The following RYR2 variants were observed in gnomAD, a reference collection of about 807,000 sequenced individuals.
RYR2 encodes the protein ryanodine receptor 2, also known as cardiac muscle ryanodine receptor-calcium release channel.
RYR2 carries 227 observed loss-of-function variants against 601.1 expected under a neutral mutation model. That is an observed-to-expected ratio of 0.38 (90% CI 0.34 to 0.42). The LOEUF is 0.42. Among genes scored for constraint, RYR2 ranks in the 10% least tolerant of loss-of-function variants. The probability of loss-of-function intolerance (pLI) is 1.00; values close to 1 mark genes in which losing one functional copy is unlikely to be tolerated. For missense variants in RYR2, 4,646 were observed against 6,156.5 expected (o/e 0.75, Z 8.21); for synonymous variants, 2,223 against 2,175.1 (o/e 1.02, Z -0.61).
At chr1:237,298,812 C>G (rs954638697) in intron 2 of RYR2, among the ~76,000 whole-genome samples, 7 of 152,032 alleles carry the variant, frequency 4.6e-5, no homozygotes, top group Non-Finnish European at 1.0e-4. Flanking sequence ...CCAATCTGGG[C>G]AAGATGGCAA....
intron 62 of RYR2, among the ~76,000 whole-genome samples, chr1:237,686,443 G>A (rs1314003019): frequency 1.3e-5 from 2 of 152,100 alleles, no homozygotes; most frequent in Non-Finnish European, 2.9e-5. Flanking sequence ...ATGTCAGAAC[G>A]CTGACCTACT....
intron 36 of RYR2, 115 bp downstream of exon 36, chr1:237,611,103 T>G (rs1677817713): frequency 1.3e-6 from 1 of 798,690 alleles, no homozygotes; most frequent in African/African-American, 1.7e-5. Flanking sequence ...AAGATGAAAT[T>G]TACAAAGATC....
intron 1 of RYR2, among the ~76,000 whole-genome samples, chr1:237,167,501 C>T (rs1056034069): frequency 1.3e-5 from 2 of 151,968 alleles, no homozygotes; most frequent in African/African-American, 4.8e-5. Context: ...CTTTTAGACT[C>T]GGTGAATATA....
chr1:237,605,755 C>T (rs1677049819), intron 35 of RYR2, among the ~76,000 whole-genome samples: 1 of 152,060 alleles, frequency 6.6e-6, no homozygotes, highest in African/African-American at 2.4e-5. Flanking sequence ...AAATCACAAG[C>T]ATTCTTATAC....
intron 1 of RYR2, among the ~76,000 whole-genome samples, chr1:237,269,612 C>T (rs1007040900): frequency 1.3e-5 from 2 of 152,166 alleles, no homozygotes; most frequent in African/African-American, 4.8e-5. Flanking sequence ...CCACGTAGAA[C>T]CTGTGTTTTC....
chr1:237,046,160 T>G (rs1660579255), intron 1 of RYR2, among the ~76,000 whole-genome samples: 1 of 152,152 alleles, frequency 6.6e-6, no homozygotes. Context: ...CTACAAATGG[T>G]GACAATTATG....
rs1159945941 is a variant in RYR2 at position 237,080,520 on chromosome 1, C to G, written c.48+37951C>G. ...AAGACATTTATGCAGCCAAAAAACA[C>G]GTGAAGAAATGCTCATCATCACTGG... On this transcript the variant is annotated intron_variant, in intron 1 of 104. Transcript: ENST00000366574. Among the ~76,000 whole-genome samples the G allele has an allele frequency of 2.6e-5, 2 of 77,414 alleles. 1 individual carries two copies. The highest frequency in any genetic ancestry group is 6.3e-5 in the Non-Finnish European group (2 of 31,736). The allele number at this position is 77,414 out of a possible 152,430, so 50.8% of individuals were successfully genotyped here. A position where few individuals can be genotyped will look rare whatever the true frequency, so the allele number is the denominator to read the frequency against.
At chr1:237,586,651 A>G (rs890154943) in intron 29 of RYR2, among the ~76,000 whole-genome samples, 2 of 152,092 alleles carry the variant, frequency 1.3e-5, no homozygotes, top group South Asian at 2.1e-4. Flanking sequence ...CCATCTCTCC[A>G]TACTTCCTTT....
At chr1:237,463,920 T>C (rs908304281) in intron 16 of RYR2, among the ~76,000 whole-genome samples, 6 of 152,330 alleles carry the variant, frequency 3.9e-5, no homozygotes, top group African/African-American at 1.4e-4. Flanking sequence ...TACTATTTGG[T>C]ATTAAAATTA....
intron 87 of RYR2, among the ~76,000 whole-genome samples, chr1:237,778,441 CT>C (rs1183712108): frequency 6.0e-5 from 9 of 150,186 alleles, no homozygotes; most frequent in African/African-American, 2.2e-4. Flanking sequence ...CCTTGAGAAA[CT>C]TTTTTTGGAA....
chr1:237,428,831 T>G (rs994684101), intron 12 of RYR2, among the ~76,000 whole-genome samples: 1 of 151,118 alleles, frequency 6.6e-6, no homozygotes, highest in African/African-American at 2.4e-5. Flanking sequence ...AGGGTAGTAC[T>G]AGTATTTATA....
At chr1:237,232,358 C>T (rs1685093473) in intron 1 of RYR2, among the ~76,000 whole-genome samples, 1 of 152,054 alleles carries the variant, frequency 6.6e-6, no homozygotes, top group South Asian at 2.1e-4. Context: ...AGGAAGCCTC[C>T]ATAAAAACCC....
chr1:237,363,234 G>A (rs1388093586), intron 4 of RYR2, among the ~76,000 whole-genome samples: 2 of 152,028 alleles, frequency 1.3e-5, no homozygotes, highest in Non-Finnish European at 2.9e-5. Context: ...AGTCACATGT[G>A]ATTGGTCAGT....
chr1:237,442,691 C>A (rs1206276242), intron 13 of RYR2, among the ~76,000 whole-genome samples: 1 of 152,016 alleles, frequency 6.6e-6, no homozygotes, highest in Non-Finnish European at 1.5e-5. Context: ...CCTGTAGCAT[C>A]GAGTTTTTAA....
chr1:237,637,035 G>A (rs555320825), intron 44 of RYR2, among the ~76,000 whole-genome samples: 36 of 152,244 alleles, frequency 2.4e-4, no homozygotes, highest in African/African-American at 8.7e-4. Context: ...GGTGTGTGGG[G>A]AGAAAGGGAC....
At chr1:237,365,523 A>G (rs894895446) in intron 5 of RYR2, among the ~76,000 whole-genome samples, 19 of 151,912 alleles carry the variant, frequency 1.3e-4, no homozygotes, top group Non-Finnish European at 2.1e-4. Flanking sequence ...TTTTCAGTAG[A>G]AAATATTATG....
At chr1:237,790,354 A>G (rs958471873) in intron 92 of RYR2, among the ~76,000 whole-genome samples, 2 of 152,058 alleles carry the variant, frequency 1.3e-5, no homozygotes, top group African/African-American at 4.8e-5. Flanking sequence ...TGCCATCTCC[A>G]CAGGTACCAT....
At chr1:237,653,001 G>A (rs949946844) in intron 51 of RYR2, among the ~76,000 whole-genome samples, 2 of 152,084 alleles carry the variant, frequency 1.3e-5, no homozygotes, top group African/African-American at 2.4e-5. Context: ...ATATAGGAAA[G>A]GGTCAAAATA....
At chr1:237,509,902 G>C (rs1279533164) in intron 23 of RYR2, among the ~76,000 whole-genome samples, 1 of 152,214 alleles carries the variant, frequency 6.6e-6, no homozygotes, top group Non-Finnish European at 1.5e-5. Flanking sequence ...AGAAGAGACA[G>C]GACATTAGCC....
Sources: allele counts gnomAD v4.1 joint callset (sites outside exome capture counted in the v4.1 genomes callset), GRCh38; gene constraint gnomAD v4.1.1; transcripts MANE v1.5; gene names NCBI Gene and HGNC (gene_info 2026-07-23, HGNC 2026-07-21).